The following TTC28 variants were observed in gnomAD, a reference collection of about 807,000 sequenced individuals.
TTC28 encodes tetratricopeptide repeat domain 28, also known as tetratricopeptide repeat protein 28.
In TTC28, 61 loss-of-function variants were observed where a neutral mutation model predicts 198.0. The ratio of observed to expected loss-of-function variants is 0.31; its 90% confidence interval spans 0.25 to 0.38. TTC28 has a LOEUF of 0.38. Ranked by LOEUF, TTC28 falls within the 10% of genes least tolerant of loss-of-function variation. The pLI is 1.00. For missense variants in TTC28, 2,678 were observed against 3,164.0 expected (o/e 0.85, Z 3.69); for synonymous variants, 1,171 against 1,297.8 (o/e 0.90, Z 2.10).
intron 2 of TTC28, among the ~76,000 whole-genome samples, chr22:28,561,662 A>C (rs184549905): frequency 1.9e-3 from 288 of 152,258 alleles, no homozygotes; most frequent in African/African-American, 6.4e-3. Context: ...TATAAAACCC[A>C]TTGTGATATG....
chr22:28,572,341 A>T, intron 2 of TTC28, among the ~76,000 whole-genome samples: 1 of 152,222 alleles, frequency 6.6e-6, no homozygotes, highest in Non-Finnish European at 1.5e-5. Context: ...TGCTCATAGC[A>T]ACACTGAGAA....
intron 1 of TTC28, among the ~76,000 whole-genome samples, chr22:28,641,452 A>G (rs1433349821): frequency 6.6e-6 from 1 of 152,234 alleles, no homozygotes; most frequent in Admixed American, 6.5e-5. Context: ...TTAAATCTCC[A>G]TAGTAGACAA....
At chr22:28,637,918 T>A (rs1426935820) in intron 1 of TTC28, among the ~76,000 whole-genome samples, 1 of 152,156 alleles carries the variant, frequency 6.6e-6, no homozygotes, top group African/African-American at 2.4e-5. Context: ...ATAACTATAC[T>A]TAGACAAAAT....
chr22:28,338,511 CAT>C (rs1189291643), intron 2 of TTC28, among the ~76,000 whole-genome samples: 1 of 152,134 alleles, frequency 6.6e-6, no homozygotes, highest in Non-Finnish European at 1.5e-5. Context: ...CACATAGTCC[CAT>C]ATTTCTTGGA....
intron 1 of TTC28, among the ~76,000 whole-genome samples, chr22:28,659,825 G>T (rs1035314508): frequency 1.3e-5 from 2 of 150,872 alleles, no homozygotes; most frequent in African/African-American, 4.9e-5. Context: ...TTGAGACAAG[G>T]TCTCGCTCTG....
In TTC28 at chr22:27,998,673, C is replaced by T; in HGVS notation, c.4986G>A (p.Val1662=). 6.4e-7 allele frequency: 1 copy of T among 1,550,914 alleles called. No homozygotes were observed. The highest frequency in any genetic ancestry group is 1.2e-5 in the South Asian group (1 of 84,064). Residue 1662 remains valine (V), a synonymous_variant, in exon 16 of 23, where the codon GTG becomes GTA. Transcript: ENST00000397906. ...CATGGATGAACATCTTAGAAGCAGC[C>T]ACTGGCACAGGCCACAGAGACACGA... is the stretch of plus-strand genomic sequence containing the variant. The part of the protein sequence containing the change: ...CVLVSLWPVP[V]AASKMFIHAF...
At chr22:28,066,703 C>T (rs1441058052) in intron 12 of TTC28, among the ~76,000 whole-genome samples, 2 of 152,180 alleles carry the variant, frequency 1.3e-5, no homozygotes, top group Non-Finnish European at 2.9e-5. Context: ...TCTCACTGGA[C>T]AACTTGGGAC....
At chr22:28,656,426 C>T (rs2051654701) in intron 1 of TTC28, among the ~76,000 whole-genome samples, 1 of 152,214 alleles carries the variant, frequency 6.6e-6, no homozygotes, top group African/African-American at 2.4e-5. Context: ...TCTGCCTCTT[C>T]TAGATCTTTA....
rs141988710 is a variant in TTC28, at chr22:28,606,985, G to A, written c.381+22567C>T. ...GTAATTTGAGAAATGGTAAGTGCTG[G>A]AAGAACTCTCTGACCTTCCTCTGAA... On this transcript the variant is annotated intron_variant, in intron 2 of 22. Coordinates refer to ENST00000397906, the MANE Select transcript of TTC28 (RefSeq NM_001145418.2). 2.0e-3 allele frequency among the ~76,000 whole-genome samples: 301 copies of A among 152,260 alleles called. 2 individuals carry two copies. Among genetic ancestry groups the A allele is most frequent in the Middle Eastern group, 6.8e-3 (2 of 294 alleles).
chr22:28,125,038 G>A (rs1019802453), intron 6 of TTC28, among the ~76,000 whole-genome samples: 9 of 152,178 alleles, frequency 5.9e-5, no homozygotes, highest in Non-Finnish European at 8.8e-5. Context: ...AATAATAGTG[G>A]CGATAATGAT....
At chr22:28,009,663 C>T (rs1338574030) in intron 14 of TTC28, among the ~76,000 whole-genome samples, 2 of 152,198 alleles carry the variant, frequency 1.3e-5, no homozygotes, top group African/African-American at 4.8e-5. Flanking sequence ...TTCGGCATGG[C>T]CCACCGGCCT....
chr22:28,361,051 T>C (rs999111176), intron 2 of TTC28, among the ~76,000 whole-genome samples: 14 of 152,230 alleles, frequency 9.2e-5, no homozygotes, highest in African/African-American at 3.4e-4. Flanking sequence ...TCTCTCCTTC[T>C]TCTCAGGCCT....
intron 2 of TTC28, among the ~76,000 whole-genome samples, chr22:28,386,812 G>GT (rs901346354): frequency 2.0e-3 from 296 of 150,912 alleles, no homozygotes; most frequent in Middle Eastern, 3.5e-3. Flanking sequence ...CTTTCTTATA[G>GT]TTTTTTTTTG....
chr22:28,650,223 A>G (rs2051543049), intron 1 of TTC28, among the ~76,000 whole-genome samples: 1 of 152,202 alleles, frequency 6.6e-6, no homozygotes, highest in African/African-American at 2.4e-5. Context: ...CTAGATGCAC[A>G]ACTGGCCTTT....
intron 9 of TTC28, among the ~76,000 whole-genome samples, chr22:28,099,854 G>C (rs1419364575): frequency 6.6e-6 from 1 of 152,152 alleles, no homozygotes; most frequent in East Asian, 1.9e-4. Context: ...GGAAGAGAGC[G>C]CCACACTCTC....
intron 2 of TTC28, among the ~76,000 whole-genome samples, chr22:28,342,589 A>G (rs141278604): frequency 6.6e-6 from 1 of 152,304 alleles, no homozygotes; most frequent in Non-Finnish European, 1.5e-5. Flanking sequence ...ATAAAAATGG[A>G]CAAAGCAGGA....
At chr22:28,098,651 C>T (rs752174227) in intron 10 of TTC28, among the ~76,000 whole-genome samples, 1 of 152,070 alleles carries the variant, frequency 6.6e-6, no homozygotes, top group Non-Finnish European at 1.5e-5. Flanking sequence ...TGTCTCTCCA[C>T]AAGCTAAGCT....
chr22:28,145,637 T>C (rs1943452505), intron 6 of TTC28, among the ~76,000 whole-genome samples: 2 of 152,330 alleles, frequency 1.3e-5, no homozygotes, highest in South Asian at 4.1e-4. Context: ...AATAACAACA[T>C]GTACTTCTAG....
In TTC28 at chr22:27,980,487, C is replaced by T. The variant is rs1403390001; in HGVS notation, c.*1734G>A. 1 of 152,214 alleles carries T rather than the reference C, an allele frequency of 6.6e-6. No individual in the cohort carries two copies. Among genetic ancestry groups the T allele is most frequent in the Admixed American group, 6.5e-5 (1 of 15,290 alleles). 9.4% of individuals were successfully genotyped at this position (152,214 alleles called of 1,614,324 possible). ...GATTGGATAAATATTATCCTTTCTT[C>T]TTTTCAGAGGAGTACACTGAGGAAC... On this transcript the variant is annotated 3_prime_UTR_variant, in exon 23 of 23. Coordinates refer to ENST00000397906, the MANE Select transcript of TTC28 (RefSeq NM_001145418.2).
Sources: allele counts gnomAD v4.1 joint callset (sites outside exome capture counted in the v4.1 genomes callset), GRCh38; gene constraint gnomAD v4.1.1; transcripts MANE v1.5; gene names NCBI Gene and HGNC (gene_info 2026-07-23, HGNC 2026-07-21).